Variants in DCAF7 observed in about 807,000 individuals in gnomAD.
DCAF7 encodes DDB1 and CUL4 associated factor 7.
DCAF7 carries 4 observed loss-of-function variants against 41.2 expected under a neutral mutation model. The observed-to-expected ratio is 0.10, with a 90% CI of 0.05 to 0.22. The LOEUF (loss-of-function observed/expected upper bound fraction) is 0.22. DCAF7 is among the 10% of genes least tolerant of loss of function. The probability of loss-of-function intolerance (pLI) is 1.00; values close to 1 mark genes in which losing one functional copy is unlikely to be tolerated. For missense variants in DCAF7, 131 were observed against 443.2 expected (o/e 0.30, Z 6.32); for synonymous variants, 143 against 164.2 (o/e 0.87, Z 0.99).
chr17:63,586,989 G>A (rs1054573247), intron 6 of DCAF7, among the ~76,000 whole-genome samples: 1 of 152,138 alleles, frequency 6.6e-6, no homozygotes, highest in Non-Finnish European at 1.5e-5. Context: ...TTTCAGGGAT[G>A]TACATCTATG....
intron 1 of DCAF7, among the ~76,000 whole-genome samples, chr17:63,555,994 C>G (rs1003845452): frequency 6.6e-6 from 1 of 152,176 alleles, no homozygotes; most frequent in Non-Finnish European, 1.5e-5. Flanking sequence ...CAGAATTCAT[C>G]TTAAAGTTTA....
intron 1 of DCAF7, among the ~76,000 whole-genome samples, chr17:63,552,732 A>C (rs1005859574): frequency 6.6e-6 from 1 of 152,206 alleles, no homozygotes; most frequent in Non-Finnish European, 1.5e-5. Flanking sequence ...GGAGAAACTG[A>C]GCCACAGTTA....
chr17:63,591,139 T>G lies in DCAF7; in HGVS notation c.*1967T>G, dbSNP rs2033729611. The G allele has an allele frequency of 6.6e-6, 1 of 152,146 alleles. No homozygotes were observed. The highest frequency in any genetic ancestry group is 2.4e-5 in the African/African-American group (1 of 41,426). The allele number at this position is 152,146 out of a possible 1,614,324, so 9.4% of individuals were successfully genotyped here. A position where few individuals can be genotyped will look rare whatever the true frequency, so the allele number is the denominator to read the frequency against. ...TTTGATAATGGTTACTGGGTCCTTC[T>G]CTCAAGGGTAGCAAGGCCAAGCTGA... On this transcript the variant is annotated 3_prime_UTR_variant, in exon 7 of 7. Coordinates refer to ENST00000614556, the MANE Select transcript of DCAF7 (RefSeq NM_005828.5).
At chr17:63,576,013 A>G (rs935294338) in intron 1 of DCAF7, among the ~76,000 whole-genome samples, 7 of 152,246 alleles carry the variant, frequency 4.6e-5, no homozygotes, top group Admixed American at 4.6e-4. Flanking sequence ...CAAATAAATA[A>G]TGGAACAGAA....
intron 1 of DCAF7, among the ~76,000 whole-genome samples, chr17:63,569,202 C>G (rs778732695): frequency 6.6e-6 from 1 of 152,084 alleles, no homozygotes; most frequent in Non-Finnish European, 1.5e-5. Context: ...GGTTAAGAAG[C>G]ACTGATCTAG....
Position 63,585,415 on chromosome 17 carries a change from C to T in DCAF7, c.856+87C>T. On this transcript the variant is annotated intron_variant, in intron 6 of 6. Transcript: ENST00000614556. Reference sequence around the variant, plus strand: ...TTAGAATTGTAGTTGTTACTGTTTTCTAAGCACAGTCTTGAGAGATTTATA... The same window carrying T: ...TTAGAATTGTAGTTGTTACTGTTTTTTAAGCACAGTCTTGAGAGATTTATA... 23 of 1,209,952 alleles carry T rather than the reference C, an allele frequency of 1.9e-5. No individual in the cohort carries two copies. The South Asian group carries it at 2.8e-4, about 15-fold the overall frequency. 75.0% of individuals were successfully genotyped at this position (1,209,952 alleles called of 1,614,324 possible). A position where few individuals can be genotyped will look rare whatever the true frequency, so the allele number is the denominator to read the frequency against.
chr17:63,579,938 A>G lies in DCAF7; in HGVS notation c.523A>G (p.Lys175Glu). The G allele has an allele frequency of 6.2e-7, 1 of 1,613,298 alleles. No individual in the cohort carries two copies. The highest frequency in any genetic ancestry group is 8.5e-7 in the Non-Finnish European group (1 of 1,179,384). Residue 175 changes from lysine (K) to glutamate (E), a missense_variant, in exon 4 of 7, where the codon AAA (lysine) becomes GAA (glutamate). Lys to Glu is a moderately conservative substitution (Grantham distance 56). Coordinates refer to ENST00000614556, the MANE Select transcript of DCAF7 (RefSeq NM_005828.5). ...GAAGACCCAGCTGATCGCCCATGAC[A>G]AAGAGGTAAGATGCTTTTCCATTTC... is the stretch of plus-strand genomic sequence containing the variant. Reference protein sequence around the residue: ...HVKTQLIAHDKEVYDIAFSRA... With the variant: ...HVKTQLIAHDEEVYDIAFSRA...
In DCAF7 at chr17:63,550,664, G is replaced by T. The variant is rs966299247; in HGVS notation, c.-14G>T. The T allele has an allele frequency of 1.2e-6, 2 of 1,612,742 alleles. No individual in the cohort carries two copies. Among genetic ancestry groups the T allele is most frequent in the Non-Finnish European group, 1.7e-6 (2 of 1,179,602 alleles). On this transcript the variant is annotated 5_prime_UTR_variant, in exon 1 of 7. Transcript: ENST00000614556. The surrounding 1 kb of genome is among the most constrained non-coding windows in gnomAD (Gnocchi z 4.8). ...CACTGTTGACCCGGCCCGTACTGCG[G>T]CCCCGTGGCCACCATGTCCCTGCAC...
chr17:63,553,189 C>T (rs1325521531), intron 1 of DCAF7, among the ~76,000 whole-genome samples: 1 of 152,006 alleles, frequency 6.6e-6, no homozygotes, highest in Non-Finnish European at 1.5e-5. Context: ...TGATTTACAC[C>T]ATCCACTGTA....
chr17:63,588,909 T>C (rs2033705835), intron 6 of DCAF7, 91 bp from the exon 7 acceptor site: 2 of 1,396,550 alleles, frequency 1.4e-6, no homozygotes, highest in South Asian at 1.4e-5. Flanking sequence ...ACGGGGGTGC[T>C]TTGTAAACTG....
intron 1 of DCAF7, among the ~76,000 whole-genome samples, chr17:63,562,601 A>G (rs2033395055): frequency 6.6e-6 from 1 of 151,432 alleles, no homozygotes; most frequent in Admixed American, 6.6e-5. Context: ...GGTTAGTTAC[A>G]TATGTATACA....
chr17:63,569,442 G>A (rs2033481150), intron 1 of DCAF7, among the ~76,000 whole-genome samples: 1 of 151,866 alleles, frequency 6.6e-6, no homozygotes, highest in Non-Finnish European at 1.5e-5. Context: ...CAGAGGGTGG[G>A]GACCAAGCAG....
intron 1 of DCAF7, among the ~76,000 whole-genome samples, chr17:63,574,761 C>T (rs1266690059): frequency 1.3e-5 from 2 of 152,076 alleles, no homozygotes; most frequent in African/African-American, 4.8e-5. Context: ...TCACTTGAGC[C>T]CAGGAGTTCA....
chr17:63,568,749 C>G (rs1054440707), intron 1 of DCAF7, among the ~76,000 whole-genome samples: 5 of 152,152 alleles, frequency 3.3e-5, no homozygotes, highest in Non-Finnish European at 5.9e-5. Flanking sequence ...TGGGACTGGA[C>G]CCGGCCAGTG....
chr17:63,551,311 C>G (rs73994310), intron 1 of DCAF7, among the ~76,000 whole-genome samples: 2,695 of 148,522 alleles, frequency 0.018, 76 homozygotes, highest in African/African-American at 0.063. Flanking sequence ...ACTCCCACCC[C>G]CCCCGGGTAC....
chr17:63,591,154 G>C lies in DCAF7; in HGVS notation c.*1982G>C, dbSNP rs1324318951. On this transcript the variant is annotated 3_prime_UTR_variant, in exon 7 of 7. Coordinates refer to ENST00000614556, the MANE Select transcript of DCAF7 (RefSeq NM_005828.5). ...TGGGTCCTTCTCTCAAGGGTAGCAA[G>C]GCCAAGCTGATGGCTGCTTGTTTAG... The C allele has an allele frequency of 6.6e-6, 1 of 152,134 alleles. No individual in the cohort carries two copies. The highest frequency in any genetic ancestry group is 1.5e-5 in the Non-Finnish European group (1 of 68,046). The allele number at this position is 152,134 out of a possible 1,614,324, so 9.4% of individuals were successfully genotyped here.
chr17:63,555,417 C>T (rs780641406), intron 1 of DCAF7, among the ~76,000 whole-genome samples: 53 of 152,224 alleles, frequency 3.5e-4, no homozygotes, highest in Non-Finnish European at 6.0e-4. Context: ...CTCACCTCAC[C>T]AGCCTGTGTT....
chr17:63,556,552 G>A (rs1193648657), intron 1 of DCAF7, among the ~76,000 whole-genome samples: 1 of 149,554 alleles, frequency 6.7e-6, no homozygotes, highest in East Asian at 2.0e-4. Flanking sequence ...CTAGGCAACA[G>A]AGCAAGACTG....
Position 63,589,194 on chromosome 17 carries a change from G to A in DCAF7, c.*22G>A, listed in dbSNP as rs755859093. The A allele has an allele frequency of 1.9e-5, 30 of 1,610,294 alleles. No individual in the cohort carries two copies. The Admixed American group carries it at 3.5e-4, about 19-fold the overall frequency. On this transcript the variant is annotated 3_prime_UTR_variant, in exon 7 of 7. Transcript: ENST00000614556. ...GTAGTGTTGGTGGCGCTGTGCCCAC[G>A]AGGCAGGGGCTTTTGTATTTCCTGC...
Sources: allele counts gnomAD v4.1 joint callset (sites outside exome capture counted in the v4.1 genomes callset), GRCh38; gene constraint gnomAD v4.1.1; non-coding constraint Gnocchi (gnomAD v3.1); transcripts MANE v1.5; gene names NCBI Gene and HGNC (gene_info 2026-07-23, HGNC 2026-07-21).